SEL1L2: variants seen among roughly 807,000 people sequenced by gnomAD.
The protein encoded by SEL1L2 is protein sel-1 homolog 2.
A neutral mutation model predicts 98.8 loss-of-function variants in SEL1L2; 89 were observed. That is an observed-to-expected ratio of 0.90 (90% confidence interval 0.76 to 1.07). SEL1L2 has a LOEUF of 1.07. Ranked by LOEUF, SEL1L2 falls within the 50% of genes least tolerant of loss-of-function variation. The pLI, the probability that SEL1L2 is intolerant of heterozygous loss-of-function variation, is 0.00. For missense variants in SEL1L2, 788 were observed against 812.0 expected, an observed-to-expected ratio of 0.97 and a Z score of 0.36; for synonymous variants, 262 against 278.5, an observed-to-expected ratio of 0.94 and a Z score of 0.59.
At chr20:13,941,294 T>C (rs148253888) in intron 2 of SEL1L2, among the ~76,000 whole-genome samples, 2 of 152,312 alleles carry the variant, frequency 1.3e-5, no homozygotes, top group Non-Finnish European at 2.9e-5. Flanking sequence ...TGTGCACATT[T>C]CACAAGAATG....
upstream of SEL1L2, among the ~76,000 whole-genome samples, chr20:13,991,152 A>G (rs181745012): frequency 3.9e-5 from 6 of 152,350 alleles, no homozygotes; most frequent in African/African-American, 7.2e-5. Flanking sequence ...CACAAGTGGT[A>G]CCTTCAAAGC....
At chr20:13,921,275 T>G (rs2048656107) in intron 3 of SEL1L2, among the ~76,000 whole-genome samples, 1 of 152,176 alleles carries the variant, frequency 6.6e-6, no homozygotes, top group African/African-American at 2.4e-5. Context: ...TGGGTTCAAG[T>G]GATTCTCATG....
At chr20:13,852,789 A>G (rs990195826) in intron 18 of SEL1L2, among the ~76,000 whole-genome samples, 2 of 152,244 alleles carry the variant, frequency 1.3e-5, no homozygotes, top group East Asian at 3.8e-4. Flanking sequence ...GCAGTAAAAT[A>G]GCTGGTTTAT....
At chr20:13,912,599 A>G (rs956463709) in intron 5 of SEL1L2, among the ~76,000 whole-genome samples, 4 of 151,828 alleles carry the variant, frequency 2.6e-5, no homozygotes, top group African/African-American at 4.8e-5. Flanking sequence ...ACCTGGCCCA[A>G]TTTTTTCTGT....
intron 1 of SEL1L2, among the ~76,000 whole-genome samples, chr20:13,976,823 C>T (rs747884799): frequency 3.9e-5 from 6 of 152,110 alleles, no homozygotes; most frequent in South Asian, 4.2e-4. Flanking sequence ...CCCCTGAGGA[C>T]GTAGAATTGA....
rs1009887412 is a variant in SEL1L2, at chr20:13,863,475, G to T, written c.1645+1692C>A. 2.0e-5 allele frequency among the ~76,000 whole-genome samples: 3 copies of T among 152,136 alleles called. No homozygotes were observed. In the East Asian group the frequency reaches 5.8e-4, roughly 29 times the overall value. Reference sequence around the variant, plus strand: ...ACAGGGCAGTGACTGAGTCCTGATGGTTCAGCACCCTCTTTACATGAGTAA... The same window carrying T: ...ACAGGGCAGTGACTGAGTCCTGATGTTTCAGCACCCTCTTTACATGAGTAA... On this transcript the variant is annotated intron_variant, in intron 17 of 19. Transcript: ENST00000284951.
intron 2 of SEL1L2, among the ~76,000 whole-genome samples, chr20:13,936,371 A>C (rs2049454633): frequency 6.6e-6 from 1 of 152,212 alleles, no homozygotes; most frequent in South Asian, 2.1e-4. Context: ...ACAGGGGCCC[A>C]AATTCTGCTA....
At chr20:13,883,652 G>A (rs555736762) in intron 10 of SEL1L2, among the ~76,000 whole-genome samples, 1 of 152,222 alleles carries the variant, frequency 6.6e-6, no homozygotes, top group South Asian at 2.1e-4. Context: ...CTGGGATCCT[G>A]CAACAGCAGC....
chr20:13,947,188 G>A (rs6110093), intron 2 of SEL1L2, among the ~76,000 whole-genome samples: 22,990 of 151,818 alleles, frequency 0.15, 1,937 homozygotes, highest in Admixed American at 0.22. Flanking sequence ...TTTTTAGGCC[G>A]ACCCATGGCC....
intron 3 of SEL1L2, among the ~76,000 whole-genome samples, chr20:13,923,631 G>A (rs2048755404): frequency 1.3e-5 from 2 of 152,202 alleles, no homozygotes; most frequent in African/African-American, 2.4e-5. Context: ...GCACGTGCCT[G>A]TAGTCCCAGC....
At chr20:13,936,570 T>C (rs1156763978) in intron 2 of SEL1L2, among the ~76,000 whole-genome samples, 14 of 152,164 alleles carry the variant, frequency 9.2e-5, no homozygotes, top group Non-Finnish European at 8.8e-5. Flanking sequence ...ATTCAGTGCA[T>C]AAAGACTGTT....
At chr20:13,866,912 T>C (rs1991137597) in intron 14 of SEL1L2, 62 bp from the exon 15 acceptor site, 7 of 1,453,494 alleles carry the variant, frequency 4.8e-6, no homozygotes, top group Non-Finnish European at 6.4e-6. Context: ...TTATAATCTA[T>C]GGATATAATA....
chr20:13,881,141 G>C (rs1413079650), intron 10 of SEL1L2, among the ~76,000 whole-genome samples: 1 of 152,166 alleles, frequency 6.6e-6, no homozygotes, highest in Non-Finnish European at 1.5e-5. Context: ...AGCCTCCTGA[G>C]TGGCTGGGAC....
chr20:13,926,140 A>G (rs1350278662), intron 3 of SEL1L2, among the ~76,000 whole-genome samples: 1 of 152,112 alleles, frequency 6.6e-6, no homozygotes, highest in African/African-American at 2.4e-5. Flanking sequence ...AGTACGGTGA[A>G]ACCGTCTCTC....
chr20:13,870,425 T>A (rs2046129938), intron 12 of SEL1L2, among the ~76,000 whole-genome samples: 1 of 152,218 alleles, frequency 6.6e-6, no homozygotes, highest in African/African-American at 2.4e-5. Flanking sequence ...CCTCCATTCT[T>A]GTATTCAACA....
chr20:13,864,141 G>T (rs1369488060), intron 17 of SEL1L2, among the ~76,000 whole-genome samples: 1 of 152,052 alleles, frequency 6.6e-6, no homozygotes, highest in Non-Finnish European at 1.5e-5. Flanking sequence ...GAGATTGCGG[G>T]TATTGTTTCC....
chr20:13,895,042 C>T (rs750777273), intron 5 of SEL1L2, among the ~76,000 whole-genome samples: 2 of 152,070 alleles, frequency 1.3e-5, no homozygotes, highest in African/African-American at 4.8e-5. Flanking sequence ...TATTGATGCC[C>T]AAATCCTCAA....
chr20:13,892,478 T>C (rs2047247117), intron 5 of SEL1L2, among the ~76,000 whole-genome samples: 1 of 149,328 alleles, frequency 6.7e-6, no homozygotes, highest in Non-Finnish European at 1.5e-5. Context: ...AGATATTTTA[T>C]AAATTATTCA....
At chr20:13,991,397 G>C (rs1350655242), upstream of SEL1L2, among the ~76,000 whole-genome samples, 1 of 152,118 alleles carries the variant, frequency 6.6e-6, no homozygotes, top group East Asian at 1.9e-4. Flanking sequence ...AAAACAACAG[G>C]AATTTATTCT....
Sources: allele counts gnomAD v4.1 joint callset (sites outside exome capture counted in the v4.1 genomes callset), GRCh38; gene constraint gnomAD v4.1.1; transcripts MANE v1.5; gene names NCBI Gene and HGNC (gene_info 2026-07-23, HGNC 2026-07-21).